The following LBP variants were observed in gnomAD, a reference collection of about 807,000 sequenced individuals.
The protein encoded by LBP is lipopolysaccharide binding protein, also known as lipopolysaccharide-binding protein.
Under a neutral mutation model 56.6 loss-of-function variants are expected in LBP, and 53 were observed. That is an observed-to-expected ratio of 0.94 (90% CI 0.75 to 1.18). The LOEUF (loss-of-function observed/expected upper bound fraction) is 1.18, where lower values mean the gene tolerates loss of function less well. Ranked by LOEUF, LBP falls within the 50% of genes most tolerant of loss-of-function variation. The pLI is 0.00. For synonymous variants in LBP, 227 were observed against 247.5 expected (o/e 0.92, Z 0.78); for missense variants, 601 against 598.3 (o/e 1.00, Z -0.05).
At chr20:38,370,930 A>C in intron 11 of LBP, 125 bp downstream of exon 11, 1 of 803,628 alleles carries the variant, frequency 1.2e-6, no homozygotes, top group Non-Finnish European at 2.2e-6. Context: ...TTTCACCCCA[A>C]TTGGCCCAAT....
In LBP at chr20:38,346,543, G is replaced by A. The variant is rs148521627; in HGVS notation, c.27G>A (p.Pro9=). 300 of 1,613,748 alleles carry A rather than the reference G, an allele frequency of 1.9e-4. No individual in the cohort carries two copies. The highest frequency in any genetic ancestry group is 6.6e-4 in the Middle Eastern group (4 of 6,062). The change falls in exon 1 of 15, where the codon CCG becomes CCA. Residue 9 remains proline (P), a synonymous_variant. Transcript: ENST00000217407. ...TGGGGGCCTTGGCCAGAGCCCTGCCGTCCATACTGCTGGCATTGCTGCTTA... is the reference window on the plus strand; with the variant it reads ...TGGGGGCCTTGGCCAGAGCCCTGCCATCCATACTGCTGGCATTGCTGCTTA... MGALARAL[P]SILLALLLTS...
chr20:38,366,860 G>C, intron 9 of LBP, 32 bp downstream of exon 9: 1 of 1,590,054 alleles, frequency 6.3e-7, no homozygotes, highest in Non-Finnish European at 8.6e-7. Flanking sequence ...CATGAGTGCA[G>C]ACCGAGCCTA....
At chr20:38,365,432 C>T (rs574563959) in intron 8 of LBP, among the ~76,000 whole-genome samples, 1 of 151,832 alleles carries the variant, frequency 6.6e-6, no homozygotes, top group East Asian at 1.9e-4. Context: ...CAAGGTGGCT[C>T]ATGCCTGTAA....
At chr20:38,371,665 A>T (rs570547395) in intron 12 of LBP, among the ~76,000 whole-genome samples, 6 of 152,358 alleles carry the variant, frequency 3.9e-5, no homozygotes, top group African/African-American at 1.4e-4. Context: ...GGTTTCAGGC[A>T]TAGCTGGATC....
chr20:38,371,323 G>C lies in LBP; in HGVS notation c.1260+1G>C. The C allele has an allele frequency of 6.2e-7, 1 of 1,601,384 alleles. No homozygotes were observed. Among genetic ancestry groups the C allele is most frequent in the Non-Finnish European group, 8.6e-7 (1 of 1,169,132 alleles). The stretch of plus-strand genomic sequence containing the variant: ...AGAATCCAAAGTTGGACTATTCAAT[G>C]TAAGTTGTTTTTATTGATGACATGA... On this transcript the variant is annotated splice_donor_variant, in intron 12 of 14. Coordinates refer to ENST00000217407, the MANE Select transcript of LBP (RefSeq NM_004139.5). LOFTEE classifies it high-confidence loss of function.
Position 38,369,070 on chromosome 20 carries a change from C to G in LBP, c.1057C>G (p.Pro353Ala). 2 of 1,614,166 alleles carry G rather than the reference C, an allele frequency of 1.2e-6. No homozygotes were observed. The highest frequency in any genetic ancestry group is 1.7e-6 in the Non-Finnish European group (2 of 1,180,030). ...VPSAPLLNFS[P>A]GNLSVDPYME... Reference sequence around the variant, plus strand: ...CTCTGCTCCGCTCCTGAACTTCAGCCCTGGGAATCTGTCTGTGGACCCCTA... The same window carrying G: ...CTCTGCTCCGCTCCTGAACTTCAGCGCTGGGAATCTGTCTGTGGACCCCTA... The change falls in exon 10 of 15, where the codon CCT (proline) becomes GCT (alanine). Residue 353 changes from proline to alanine, a missense_variant. Physicochemically the swap from Pro to Ala is conservative, Grantham distance 27. Coordinates refer to ENST00000217407, the MANE Select transcript of LBP (RefSeq NM_004139.5).
chr20:38,374,932 C>T (rs543168409), intron 14 of LBP, among the ~76,000 whole-genome samples: 12 of 148,608 alleles, frequency 8.1e-5, no homozygotes, highest in Middle Eastern at 3.5e-3. Flanking sequence ...TACAGGCTCC[C>T]GCCACCACTC....
At chr20:38,361,830 TG>T (rs1224092756) in intron 6 of LBP, among the ~76,000 whole-genome samples, 1 of 151,386 alleles carries the variant, frequency 6.6e-6, no homozygotes, top group East Asian at 1.9e-4. Context: ...AGAACACGGC[TG>T]GTTTTTCAGA....
intron 12 of LBP, 108 bp from the exon 13 acceptor site, chr20:38,372,964 T>G: frequency 8.3e-6 from 7 of 845,786 alleles, no homozygotes; most frequent in Non-Finnish European, 1.0e-5. Context: ...AATAGTAGCA[T>G]GATGTAATAC....
Position 38,364,938 on chromosome 20 carries a change from A to C in LBP, c.921+186A>C, listed in dbSNP as rs141862127. ...TGGCAACCAAGAAACTCAAAGCCAA[A>C]GTTCTTTCTCCCATGGCTGGGTGTG... On this transcript the variant is annotated intron_variant, in intron 8 of 14. Coordinates refer to ENST00000217407, the MANE Select transcript of LBP (RefSeq NM_004139.5). Among the ~76,000 whole-genome samples the C allele has an allele frequency of 4.3e-3, 658 of 152,312 alleles. 4 individuals carry two copies. The highest frequency in any genetic ancestry group is 0.015 in the African/African-American group (628 of 41,558).
chr20:38,368,930 C>G, intron 9 of LBP, 65 bp from the exon 10 acceptor site: 2 of 1,510,068 alleles, frequency 1.3e-6, no homozygotes, highest in South Asian at 1.1e-5. Flanking sequence ...CTGACTCCCT[C>G]AGGCCTCTCC....
At position 38,364,756 on chromosome 20, in the gene LBP, A is replaced by C; in HGVS notation, c.921+4A>C. 1 of 1,601,932 alleles carries C rather than the reference A, an allele frequency of 6.2e-7. No individual in the cohort carries two copies. Among genetic ancestry groups the C allele is most frequent in the Non-Finnish European group, 8.5e-7 (1 of 1,173,636 alleles). ...CTTCTCCATCACAGATGACATGGTG[A>C]GGATGGTGGCAAACAGGTCTCTCAA... On this transcript the variant is annotated splice_donor_region_variant and intron_variant, in intron 8 of 14. Transcript: ENST00000217407.
rs766984025 is a variant in LBP, at chr20:38,355,435, C to T, written c.588+26C>T. On this transcript the variant is annotated intron_variant, in intron 5 of 14. Transcript: ENST00000217407. Reference sequence around the variant, plus strand: ...GTAAGAAGGTCCAAGCCTCTGGCCTCCCCCGAGCTTGGCGAGGGCTGAATG... The same window carrying T: ...GTAAGAAGGTCCAAGCCTCTGGCCTTCCCCGAGCTTGGCGAGGGCTGAATG... 2.5e-6 allele frequency: 4 copies of T among 1,604,946 alleles called. No individual in the cohort carries two copies. In the African/African-American group the frequency reaches 4.0e-5, roughly 16 times the overall value.
intron 6 of LBP, among the ~76,000 whole-genome samples, chr20:38,362,646 CAAAAT>C (rs2076865276): frequency 1.3e-5 from 2 of 150,530 alleles, no homozygotes; most frequent in South Asian, 2.1e-4. Context: ...AATAAATAAA[CAAAAT>C]AAAATATGAG....
chr20:38,366,639 C>A lies in LBP; in HGVS notation c.922-130C>A, dbSNP rs568467964. 4.7e-6 allele frequency: 4 copies of A among 843,330 alleles called. No individual in the cohort carries two copies. In the East Asian group the frequency reaches 7.3e-5, roughly 15 times the overall value. The allele number at this position is 843,330 out of a possible 1,614,324, so 52.2% of individuals were successfully genotyped here. A position where few individuals can be genotyped will look rare whatever the true frequency, so the allele number is the denominator to read the frequency against. ...TTGGGTGAATGCAGGACAGGCATCT[C>A]CTCCCTGCCAGGGTAACCCAGGCTG... On this transcript the variant is annotated intron_variant, in intron 8 of 14. Transcript: ENST00000217407.
chr20:38,374,968 T>A (rs1283307545), intron 14 of LBP, among the ~76,000 whole-genome samples: 3 of 128,798 alleles, frequency 2.3e-5, no homozygotes, highest in Non-Finnish European at 5.1e-5. Context: ...TTTTTTTTTT[T>A]GTATTTTTGG....
chr20:38,355,939 C>T (rs1291934473), intron 5 of LBP, among the ~76,000 whole-genome samples: 1 of 151,760 alleles, frequency 6.6e-6, no homozygotes, highest in Non-Finnish European at 1.5e-5. Flanking sequence ...GTCGTGTTAA[C>T]TTTCAGTTCC....
rs2076873453 is a variant in LBP, at chr20:38,364,463, T to C, written c.745-113T>C. ...CATAACACTGCCTTTAATGGTGGAG[T>C]TTCAGGCAGTGTTCCAGCCAGCGTC... On this transcript the variant is annotated intron_variant, in intron 7 of 14. Transcript: ENST00000217407. 4.1e-6 allele frequency: 4 copies of C among 970,070 alleles called. No homozygotes were observed. In the East Asian group the frequency reaches 9.5e-5, roughly 23 times the overall value. 60.1% of individuals were successfully genotyped at this position (970,070 alleles called of 1,614,324 possible).
At chr20:38,362,204 G>A (rs1165011891) in intron 6 of LBP, among the ~76,000 whole-genome samples, 1 of 150,750 alleles carries the variant, frequency 6.6e-6, no homozygotes, top group Non-Finnish European at 1.5e-5. Flanking sequence ...GACTACAGGC[G>A]CCCGCCACCA....
Sources: gnomAD v4.1 joint callset for allele counts (sites outside exome capture counted in the v4.1 genomes callset) on GRCh38, gnomAD v4.1.1 for gene constraint, MANE v1.5 for transcripts, NCBI Gene and HGNC (gene_info 2026-07-23, HGNC 2026-07-21) for gene names.